DYRK1A: variants seen among roughly 807,000 people sequenced by gnomAD.
DYRK1A encodes the protein dual specificity tyrosine-phosphorylation-regulated kinase 1A.
In DYRK1A, 9 loss-of-function variants were observed where a neutral mutation model predicts 79.7. The observed-to-expected ratio is 0.11, with a 90% confidence interval of 0.07 to 0.20. The LOEUF (loss-of-function observed/expected upper bound fraction) is 0.20. DYRK1A is among the 10% of genes least tolerant of loss of function. DYRK1A has a pLI of 1.00. For missense variants in DYRK1A, 622 were observed against 956.0 expected (o/e 0.65, Z 4.61); for synonymous variants, 349 against 329.7 (o/e 1.06, Z -0.63).
chr21:37,512,370 G>A lies in DYRK1A; in HGVS notation c.2104G>A (p.Glu702Lys). 1 of 1,614,236 alleles carries A rather than the reference G, an allele frequency of 6.2e-7. No homozygotes were observed. Among genetic ancestry groups the A allele is most frequent in the Non-Finnish European group, 8.5e-7 (1 of 1,180,050 alleles). Residue 702 changes from glutamate (E) to lysine (K), a missense_variant, in exon 12 of 12, where the codon GAG (glutamate) becomes AAG (lysine). Transcript: ENST00000647188. Reference protein sequence around the residue: ...NLTVYSNPRQETGIAGHPTYQ... With the variant: ...NLTVYSNPRQKTGIAGHPTYQ... ...GACCGTCTACTCCAATCCCCGCCAA[G>A]AGACTGGCATAGCTGGACATCCAAC...
chr21:37,456,981 T>G (rs534161914), intron 2 of DYRK1A, among the ~76,000 whole-genome samples: 1 of 152,294 alleles, frequency 6.6e-6, no homozygotes, highest in Admixed American at 6.5e-5. Context: ...ACTTTCTGGT[T>G]TGGAAAATTT....
At chr21:37,366,529 C>A (rs1256241056), upstream of DYRK1A, among the ~76,000 whole-genome samples, 4 of 151,324 alleles carry the variant, frequency 2.6e-5, no homozygotes, top group Non-Finnish European at 1.5e-5. Flanking sequence ...CCTCTCCCCT[C>A]CCCCGGGCGA....
intron 2 of DYRK1A, among the ~76,000 whole-genome samples, chr21:37,464,585 C>T (rs1218357107): frequency 6.6e-6 from 1 of 152,154 alleles, no homozygotes. Flanking sequence ...TTGTTAAGTT[C>T]ATCATTAAAT....
At chr21:37,446,448 T>C (rs1342247013) in intron 2 of DYRK1A, among the ~76,000 whole-genome samples, 2 of 152,218 alleles carry the variant, frequency 1.3e-5, no homozygotes, top group South Asian at 2.1e-4. Context: ...GGGAAAACTT[T>C]TAGAAAATCA....
At chr21:37,507,702 T>A (rs1413583576) in intron 11 of DYRK1A, among the ~76,000 whole-genome samples, 10 of 131,632 alleles carry the variant, frequency 7.6e-5, no homozygotes, top group Admixed American at 2.6e-4. Context: ...TCACTGTCTG[T>A]TTCGTTTTTT....
intron 1 of DYRK1A, among the ~76,000 whole-genome samples, chr21:37,390,303 G>C (rs925706773): frequency 4.6e-5 from 7 of 152,090 alleles, no homozygotes; most frequent in African/African-American, 1.7e-4. Context: ...AAAACTTGCA[G>C]GTATGGTACA....
intron 2 of DYRK1A, among the ~76,000 whole-genome samples, chr21:37,451,083 AT>A (rs918729919): frequency 2.0e-5 from 3 of 152,250 alleles, no homozygotes; most frequent in African/African-American, 7.2e-5. Context: ...AGTTAAAAAA[AT>A]GAAAGCTTAC....
At chr21:37,432,687 T>G (rs1250653722) in intron 2 of DYRK1A, among the ~76,000 whole-genome samples, 4 of 152,204 alleles carry the variant, frequency 2.6e-5, no homozygotes, top group African/African-American at 7.2e-5. Flanking sequence ...TTACTGGGCA[T>G]AATAATGGCT....
At chr21:37,435,938 T>C (rs928964456) in intron 2 of DYRK1A, among the ~76,000 whole-genome samples, 26 of 152,190 alleles carry the variant, frequency 1.7e-4, no homozygotes, top group African/African-American at 5.1e-4. Context: ...CTTGTACCGT[T>C]ATGTTGGTGT....
intron 1 of DYRK1A, among the ~76,000 whole-genome samples, chr21:37,394,669 A>G (rs1472817662): frequency 2.0e-5 from 3 of 152,146 alleles, no homozygotes; most frequent in African/African-American, 7.2e-5. Context: ...TCTAGGTTGC[A>G]TGCTCCTTAT....
chr21:37,519,225 C>T lies in DYRK1A; in HGVS notation c.*6694C>T, dbSNP rs2053910926. 1 of 152,144 alleles carries T rather than the reference C, an allele frequency of 6.6e-6. No individual in the cohort carries two copies. The highest frequency in any genetic ancestry group is 1.5e-5 in the Non-Finnish European group (1 of 68,042). 9.4% of individuals were successfully genotyped at this position (152,144 alleles called of 1,614,324 possible). On this transcript the variant is annotated 3_prime_UTR_variant, in exon 12 of 12. Transcript: ENST00000647188. ...CTCAGTCTCATCTGGTCTTGTAAGC[C>T]GGTGAAGGGTTTCCCAGGGCACCAG...
rs1399100590 is a variant in DYRK1A at position 37,515,904 on chromosome 21, C to T, written c.*3373C>T. 2 of 151,918 alleles carry T rather than the reference C, an allele frequency of 1.3e-5. No homozygotes were observed. Among genetic ancestry groups the T allele is most frequent in the Admixed American group, 6.6e-5 (1 of 15,254 alleles). The allele number at this position is 151,918 out of a possible 1,614,324, so 9.4% of individuals were successfully genotyped here. A position where few individuals can be genotyped will look rare whatever the true frequency, so the allele number is the denominator to read the frequency against. On this transcript the variant is annotated 3_prime_UTR_variant, in exon 12 of 12. Coordinates refer to ENST00000647188, the MANE Select transcript of DYRK1A (RefSeq NM_001347721.2). Reference sequence around the variant, plus strand: ...TGAAAGATTCAGTAATTATGTTAGGCTCACAAGTGACCATTGAGTTTGCCC... The same window carrying T: ...TGAAAGATTCAGTAATTATGTTAGGTTCACAAGTGACCATTGAGTTTGCCC...
chr21:37,494,579 C>T (rs919134289), intron 8 of DYRK1A, among the ~76,000 whole-genome samples: 1 of 152,066 alleles, frequency 6.6e-6, no homozygotes, highest in African/African-American at 2.4e-5. Context: ...AAACCATATA[C>T]CCCACTTACG....
Position 37,512,303 on chromosome 21 carries a change from T to C in DYRK1A, c.2037T>C (p.Asn679=). ...QAYQNRPVAA[N]TLDFGQNGAM... ...ACCAGAATCGCCCAGTGGCTGCTAATACCTTGGACTTTGGACAGAATGGAG... is the reference window on the plus strand; with the variant it reads ...ACCAGAATCGCCCAGTGGCTGCTAACACCTTGGACTTTGGACAGAATGGAG... The change falls in exon 12 of 12, where the codon AAT becomes AAC. Residue 679 remains asparagine, a synonymous_variant. Transcript: ENST00000647188. 6.2e-7 allele frequency: 1 copy of C among 1,614,208 alleles called. No homozygotes were observed. The highest frequency in any genetic ancestry group is 1.3e-5 in the African/African-American group (1 of 75,052).
chr21:37,439,614 T>G (rs1453030309), intron 2 of DYRK1A, among the ~76,000 whole-genome samples: 1 of 152,186 alleles, frequency 6.6e-6, no homozygotes, highest in Non-Finnish European at 1.5e-5. Context: ...GTTGCGTGCT[T>G]CTTATGAGAG....
chr21:37,440,379 C>A (rs181444207), intron 2 of DYRK1A, among the ~76,000 whole-genome samples: 1 of 151,780 alleles, frequency 6.6e-6, no homozygotes, highest in African/African-American at 2.4e-5. Flanking sequence ...TCAAGTGATC[C>A]GCCTGCCTCA....
At chr21:37,486,810 C>A in intron 6 of DYRK1A, 196 bp downstream of exon 6, 1 of 434,510 alleles carries the variant, frequency 2.3e-6, no homozygotes, top group Non-Finnish European at 4.0e-6. Flanking sequence ...AATGTGCCTT[C>A]CATGTAGCAT....
In DYRK1A at chr21:37,429,643, C is replaced by T. The variant is rs552010578; in HGVS notation, c.10+9259C>T. On this transcript the variant is annotated intron_variant, in intron 2 of 11. Transcript: ENST00000647188. ...CCAATCACCTTTCAAGAGGCCTCTC[C>T]TCCAACATTGAGAATTACAGCTTGA... Among the ~76,000 whole-genome samples, 5 of 152,258 alleles carry T rather than the reference C, an allele frequency of 3.3e-5. No individual in the cohort carries two copies. In the South Asian group the frequency reaches 1.0e-3, roughly 32 times the overall value.
At chr21:37,431,147 G>A (rs1379525846) in intron 2 of DYRK1A, among the ~76,000 whole-genome samples, 1 of 152,120 alleles carries the variant, frequency 6.6e-6, no homozygotes, top group East Asian at 1.9e-4. Context: ...GAGGAATATA[G>A]AGGATAAGAA....
Sources: allele counts gnomAD v4.1 joint callset (sites outside exome capture counted in the v4.1 genomes callset), GRCh38; gene constraint gnomAD v4.1.1; transcripts MANE v1.5; gene names NCBI Gene and HGNC (gene_info 2026-07-23, HGNC 2026-07-21).